ZBTB11: variants seen among roughly 807,000 people sequenced by gnomAD.
ZBTB11 encodes the protein zinc finger and BTB domain-containing protein 11.
A neutral mutation model predicts 113.1 loss-of-function variants in ZBTB11; 68 were observed. The ratio of observed to expected loss-of-function variants is 0.60; its 90% CI spans 0.49 to 0.74. The LOEUF is 0.74. Among genes scored for constraint, ZBTB11 ranks in the 30% least tolerant of loss-of-function variants. The probability of loss-of-function intolerance (pLI) is 0.00; values close to 1 mark genes in which losing one functional copy is unlikely to be tolerated. For synonymous variants in ZBTB11, 518 were observed against 452.6 expected (o/e 1.14, Z -1.83); for missense variants, 1,104 against 1,279.4 (o/e 0.86, Z 2.09).
Position 101,660,011 on chromosome 3 carries a change from A to G in ZBTB11, c.1818T>C (p.Phe606=), listed in dbSNP as rs1328644739. The G allele has an allele frequency of 6.2e-7, 1 of 1,612,692 alleles. No individual in the cohort carries two copies. The highest frequency in any genetic ancestry group is 1.1e-5 in the South Asian group (1 of 90,966). ...DYKCPLCKKQ[F]QYSASLRAHL... is the part of the protein sequence containing the mutation. The stretch of plus-strand genomic sequence containing the variant: ...GTGCTCGCAAAGAGGCACTGTACTG[A>G]AACTGTTTTTTACACAACTAAAAGA... The change falls in exon 6 of 11, where the codon TTT becomes TTC. Residue 606 remains phenylalanine (F), a synonymous_variant. Transcript: ENST00000312938.
intron 6 of ZBTB11, 138 bp from the exon 7 acceptor site, chr3:101,656,386 GTGAAAGTTGAAACCAACT>G: frequency 1.9e-6 from 1 of 521,332 alleles, no homozygotes; most frequent in Admixed American, 5.3e-5. Flanking sequence ...TAATGACAAA[GTGAAAGTTGAAACCAACT>G]TGAAAGTTGA....
At chr3:101,672,819 G>A (rs575394802) in intron 1 of ZBTB11, among the ~76,000 whole-genome samples, 1 of 152,236 alleles carries the variant, frequency 6.6e-6, no homozygotes, top group South Asian at 2.1e-4. Flanking sequence ...GCACACATGT[G>A]ATGTGTACCA....
intron 6 of ZBTB11, among the ~76,000 whole-genome samples, chr3:101,658,279 G>A (rs1936831618): frequency 6.7e-6 from 1 of 150,246 alleles, no homozygotes; most frequent in East Asian, 1.9e-4. Context: ...AGGCTAGAGT[G>A]CAGTGGTGCG....
chr3:101,671,641 A>G, intron 2 of ZBTB11: 1 of 574,944 alleles, frequency 1.7e-6, no homozygotes, highest in Non-Finnish European at 3.1e-6. Context: ...CAGGTGAAAA[A>G]CAAAGACCTG....
chr3:101,671,826 G>A lies in ZBTB11; in HGVS notation c.546+152C>T, dbSNP rs535087666. On this transcript the variant is annotated intron_variant, in intron 2 of 10. Transcript: ENST00000312938. ...AATAACAGGAACATTTATGATAAAT[G>A]AAGAGGCAGTTCAGCTTATATAACA... 2.3e-5 allele frequency: 15 copies of A among 638,684 alleles called. No homozygotes were observed. The East Asian group carries it at 3.8e-4, about 16-fold the overall frequency. 39.6% of individuals were successfully genotyped at this position (638,684 alleles called of 1,614,324 possible). A position where few individuals can be genotyped will look rare whatever the true frequency, so the allele number is the denominator to read the frequency against.
In ZBTB11 at chr3:101,656,257, G is replaced by C; in HGVS notation, c.2047-9C>G. On this transcript the variant is annotated splice_polypyrimidine_tract_variant and intron_variant, in intron 6 of 10. Transcript: ENST00000312938. The stretch of plus-strand genomic sequence containing the variant: ...AAAGTCTTTCCACAGACCTAAGATA[G>C]AACAGGGGTGATTAAGTCAATAAAA... 1 of 1,451,610 alleles carries C rather than the reference G, an allele frequency of 6.9e-7. No individual in the cohort carries two copies. The highest frequency in any genetic ancestry group is 9.1e-7 in the Non-Finnish European group (1 of 1,096,886). 89.9% of individuals were successfully genotyped at this position (1,451,610 alleles called of 1,614,324 possible). A position where few individuals can be genotyped will look rare whatever the true frequency, so the allele number is the denominator to read the frequency against.
Position 101,650,059 on chromosome 3 carries a change from C to A in ZBTB11, c.*1107G>T, listed in dbSNP as rs78542971. ...AATTAATATAACTTAGTTTTCATAACCTTTAAAAATAATTTATCTTCAACA... is the reference window on the plus strand; with the variant it reads ...AATTAATATAACTTAGTTTTCATAAACTTTAAAAATAATTTATCTTCAACA... On this transcript the variant is annotated 3_prime_UTR_variant, in exon 11 of 11. Coordinates refer to ENST00000312938, the MANE Select transcript of ZBTB11 (RefSeq NM_014415.4). The A allele has an allele frequency of 0.011, 1,651 of 152,444 alleles. 19 individuals are homozygous for A. The highest frequency in any genetic ancestry group is 0.016 in the South Asian group (76 of 4,816). The allele number at this position is 152,444 out of a possible 1,614,324, so 9.4% of individuals were successfully genotyped here.
intron 2 of ZBTB11, 72 bp from the exon 3 acceptor site, chr3:101,671,433 A>G: frequency 1.8e-6 from 2 of 1,086,018 alleles, no homozygotes; most frequent in East Asian, 4.7e-5. Context: ...CTTTAAAACA[A>G]GACACATTAC....
rs147603450 is a variant in ZBTB11, at chr3:101,660,959, G to A, written c.1801-931C>T. 3.6e-3 allele frequency among the ~76,000 whole-genome samples: 555 copies of A among 152,210 alleles called. 3 individuals are homozygous for A. The highest frequency in any genetic ancestry group is 5.6e-3 in the Non-Finnish European group (379 of 68,010). ...CAAATCATTATGTCCTGGGCTGGGTGTGGTGGCTTACGTCTGGAACCCCAG... is the reference window on the plus strand; with the variant it reads ...CAAATCATTATGTCCTGGGCTGGGTATGGTGGCTTACGTCTGGAACCCCAG... On this transcript the variant is annotated intron_variant, in intron 5 of 10. Coordinates refer to ENST00000312938, the MANE Select transcript of ZBTB11 (RefSeq NM_014415.4).
In ZBTB11 at chr3:101,677,106, T is replaced by C. The variant is rs1404294555; in HGVS notation, c.-192A>G. ...TGGTAACCAGGGGGAACTGCACTTC[T>C]CCAGCGCGCGGGATCCGCTGGCGAC... On this transcript the variant is annotated 5_prime_UTR_variant, in exon 1 of 11. Transcript: ENST00000312938. 1.0e-5 allele frequency: 6 copies of C among 600,514 alleles called. No individual in the cohort carries two copies. Among genetic ancestry groups the C allele is most frequent in the African/African-American group, 7.7e-5 (4 of 51,810 alleles). 37.2% of individuals were successfully genotyped at this position (600,514 alleles called of 1,614,324 possible).
At chr3:101,660,569 G>T (rs1685310338) in intron 5 of ZBTB11, among the ~76,000 whole-genome samples, 1 of 152,158 alleles carries the variant, frequency 6.6e-6, no homozygotes. Context: ...CTCTGACTTT[G>T]TTTTTAAGTG....
At chr3:101,668,160 T>C (rs1446695138) in intron 3 of ZBTB11, among the ~76,000 whole-genome samples, 1 of 149,390 alleles carries the variant, frequency 6.7e-6, no homozygotes, top group African/African-American at 2.5e-5. Context: ...AAAACTTAGA[T>C]CATACAAGTA....
At chr3:101,654,883 T>C in intron 7 of ZBTB11, 62 bp from the exon 8 acceptor site, 1 of 1,441,366 alleles carries the variant, frequency 6.9e-7, no homozygotes, top group Non-Finnish European at 9.6e-7. Context: ...TAACAGAATT[T>C]TTTTTTTTTG....
chr3:101,661,526 A>C (rs964192803), intron 5 of ZBTB11, among the ~76,000 whole-genome samples: 1 of 152,246 alleles, frequency 6.6e-6, no homozygotes. Context: ...TGGCTGTAAG[A>C]ATTCAAGCCA....
In ZBTB11 at chr3:101,676,742, G is replaced by A. The variant is rs1258120365; in HGVS notation, c.173C>T (p.Thr58Ile). ...YYQRRQRHRK[T>I]FAELEVVLQP... Reference sequence around the variant, plus strand: ...CAGCACCACCTCCAGCTCCGCGAAGGTCTTGCGGTGCCGCTGCCGCCGCTG... The same window carrying A: ...CAGCACCACCTCCAGCTCCGCGAAGATCTTGCGGTGCCGCTGCCGCCGCTG... The change falls in exon 1 of 11, where the codon ACC (threonine) becomes ATC (isoleucine). Residue 58 changes from threonine (T) to isoleucine (I), a missense_variant. Thr to Ile is a moderately conservative substitution (Grantham distance 89, BLOSUM62 -1). Coordinates refer to ENST00000312938, the MANE Select transcript of ZBTB11 (RefSeq NM_014415.4). 6.2e-7 allele frequency: 1 copy of A among 1,606,212 alleles called. No individual in the cohort carries two copies. The highest frequency in any genetic ancestry group is 2.2e-5 in the East Asian group (1 of 44,632).
In ZBTB11 at chr3:101,649,425, G is replaced by A. The variant is rs1347365613; in HGVS notation, c.*1741C>T. 6.6e-6 allele frequency: 1 copy of A among 152,114 alleles called. No homozygotes were observed. The highest frequency in any genetic ancestry group is 2.4e-5 in the African/African-American group (1 of 41,406). The allele number at this position is 152,114 out of a possible 1,614,324, so 9.4% of individuals were successfully genotyped here. On this transcript the variant is annotated 3_prime_UTR_variant, in exon 11 of 11. Coordinates refer to ENST00000312938, the MANE Select transcript of ZBTB11 (RefSeq NM_014415.4). Reference sequence around the variant, plus strand: ...ATTTATGAACTGAAAATAGTAACAAGCTCAACTCCAAAGTTCATGCTTTTC... The same window carrying A: ...ATTTATGAACTGAAAATAGTAACAAACTCAACTCCAAAGTTCATGCTTTTC...
In ZBTB11 at chr3:101,659,943, G is replaced by C; in HGVS notation, c.1886C>G (p.Ser629Trp). 6.2e-7 allele frequency: 1 copy of C among 1,614,182 alleles called. No individual in the cohort carries two copies. The highest frequency in any genetic ancestry group is 8.5e-7 in the Non-Finnish European group (1 of 1,180,034). The change falls in exon 6 of 11, where the codon TCG (serine) becomes TGG (tryptophan). Residue 629 changes from serine to tryptophan, a missense_variant. Physicochemically the swap from Ser to Trp is radical, Grantham distance 177. Transcript: ENST00000312938. The part of the protein sequence containing the change: ...HTRKDAPSSS[S>W]SNSTSNEASG... The stretch of plus-strand genomic sequence containing the variant: ...TGCTTCATTAGACGTGGAATTGGAC[G>C]AGGATGAAGAGGGTGCATCTTTTCT...
intron 5 of ZBTB11, among the ~76,000 whole-genome samples, chr3:101,663,494 C>T (rs1408763200): frequency 1.3e-5 from 2 of 152,130 alleles, no homozygotes; most frequent in African/African-American, 4.8e-5. Context: ...GGATTGTTGT[C>T]AACCATGAGC....
At chr3:101,667,173 C>G (rs1190003680) in intron 3 of ZBTB11, among the ~76,000 whole-genome samples, 1 of 152,276 alleles carries the variant, frequency 6.6e-6, no homozygotes, top group East Asian at 1.9e-4. Context: ...TCTGCTTCAG[C>G]CACCTAAGTA....
Sources: allele counts gnomAD v4.1 joint callset (sites outside exome capture counted in the v4.1 genomes callset), GRCh38; gene constraint gnomAD v4.1.1; transcripts MANE v1.5; gene names NCBI Gene and HGNC (gene_info 2026-07-23, HGNC 2026-07-21).